NFU1: variants seen among roughly 807,000 people sequenced by gnomAD.
The protein encoded by NFU1 is NFU1 iron-sulfur cluster scaffold.
Under a neutral mutation model 32.2 loss-of-function variants are expected in NFU1, and 30 were observed. The ratio of observed to expected loss-of-function variants is 0.93; its 90% CI spans 0.70 to 1.26. The LOEUF is 1.26. NFU1 is among the 50% of genes most tolerant of loss of function. NFU1 has a pLI of 0.00. For synonymous variants in NFU1, 112 were observed against 104.6 expected (o/e 1.07, Z -0.43); for missense variants, 306 against 306.6 (o/e 1.00, Z 0.02).
chr2:69,402,550 T>C (rs1672556721), intron 6 of NFU1, among the ~76,000 whole-genome samples: 1 of 152,290 alleles, frequency 6.6e-6, no homozygotes, highest in Non-Finnish European at 1.5e-5. Context: ...AATTTATATG[T>C]ATTTTCCTTG....
intron 1 of NFU1, among the ~76,000 whole-genome samples, chr2:69,434,183 C>T (rs1034099820): frequency 6.7e-6 from 1 of 149,214 alleles, no homozygotes; most frequent in African/African-American, 2.5e-5. Context: ...CTTGCTCTGT[C>T]GCCCAGGATG....
In NFU1 at chr2:69,397,564, CAT is replaced by C. The variant is rs1672379907; in HGVS notation, c.721-1276_721-1275del. ...GTCAATCCACCAAAGTATCAACTAACATAATTTTTTAAGGCATATAGATGATA... is the reference window on the plus strand; with the variant it reads ...GTCAATCCACCAAAGTATCAACTAACAATTTTTTAAGGCATATAGATGATA... On this transcript the variant is annotated intron_variant, in intron 7 of 7. Transcript: ENST00000410022. 2.0e-5 allele frequency among the ~76,000 whole-genome samples: 3 copies of C among 151,834 alleles called. No homozygotes were observed. The East Asian group carries it at 5.8e-4, about 29-fold the overall frequency.
At chr2:69,406,615 G>A (rs938924789) in intron 5 of NFU1, among the ~76,000 whole-genome samples, 5 of 152,108 alleles carry the variant, frequency 3.3e-5, no homozygotes, top group African/African-American at 9.7e-5. Context: ...CTGTTGCCCA[G>A]TGCGGAGTGC....
chr2:69,396,332 GA>G, intron 7 of NFU1, 42 bp from the exon 8 acceptor site: 1 of 1,478,058 alleles, frequency 6.8e-7, no homozygotes, highest in Non-Finnish European at 9.4e-7. Flanking sequence ...TTAAGAAAAT[GA>G]TTAGATTTTG....
intron 5 of NFU1, among the ~76,000 whole-genome samples, chr2:69,413,920 G>A (rs759003128): frequency 3.3e-5 from 5 of 151,682 alleles, no homozygotes; most frequent in African/African-American, 9.7e-5. Context: ...GGTGGTGGGC[G>A]CCTGTAATAC....
Position 69,400,380 on chromosome 2 carries a change from A to G in NFU1, c.704T>C (p.Val235Ala), listed in dbSNP as rs1451466648. The G allele has an allele frequency of 4.3e-6, 7 of 1,613,898 alleles. No homozygotes were observed. The highest frequency in any genetic ancestry group is 1.3e-5 in the African/African-American group (1 of 74,902). The change falls in exon 7 of 8, where the codon GTA becomes GCA. Residue 235 changes from valine (V) to alanine (A), a missense_variant. Physicochemically the swap from Val to Ala is moderately conservative, Grantham distance 64. Transcript: ENST00000410022. ...TTGGCATACCTGTTCTACGCCTTCT[A>G]CCTCCGGAATATAAAACTGCAGCAT... is the stretch of plus-strand genomic sequence containing the variant. Reference protein sequence around the residue: ...QNMLQFYIPEVEGVEQVMDDE... With the variant: ...QNMLQFYIPEAEGVEQVMDDE...
chr2:69,407,716 A>G (rs903717523), intron 5 of NFU1, among the ~76,000 whole-genome samples: 22 of 150,598 alleles, frequency 1.5e-4, no homozygotes, highest in Non-Finnish European at 2.8e-4. Flanking sequence ...AAAAAGGAAA[A>G]GAAAACACAC....
chr2:69,439,418 G>A (rs1397624656), upstream of NFU1, among the ~76,000 whole-genome samples: 3 of 152,214 alleles, frequency 2.0e-5, no homozygotes, highest in African/African-American at 2.4e-5. Context: ...TGGTCTCACT[G>A]ACTTCAGGAG....
chr2:69,423,261 T>TGG (rs1313616121), intron 3 of NFU1, among the ~76,000 whole-genome samples: 1 of 120,936 alleles, frequency 8.3e-6, no homozygotes, highest in East Asian at 2.2e-4. Flanking sequence ...TGTGTGTGTG[T>TGG]GTGTGTGTGT....
chr2:69,427,496 A>G (rs889011376), intron 2 of NFU1, among the ~76,000 whole-genome samples: 1 of 151,884 alleles, frequency 6.6e-6, no homozygotes, highest in Non-Finnish European at 1.5e-5. Flanking sequence ...CCTAGCCAAC[A>G]TGGTGAAAAC....
chr2:69,412,417 C>T (rs548369732), intron 5 of NFU1, among the ~76,000 whole-genome samples: 4 of 150,610 alleles, frequency 2.7e-5, no homozygotes, highest in South Asian at 4.2e-4. Flanking sequence ...GATGGAGTCT[C>T]GCCCTGTCTC....
In NFU1 at chr2:69,406,085, A is replaced by T. The variant is rs1168164182; in HGVS notation, c.485-3T>A. On this transcript the variant is annotated splice_region_variant and splice_polypyrimidine_tract_variant and intron_variant, in intron 5 of 7. Transcript: ENST00000410022. Reference sequence around the variant, plus strand: ...AACTTCATCATCTTCTTCAGATCCTAGAAATAATTACATATAAAAACATCA... The same window carrying T: ...AACTTCATCATCTTCTTCAGATCCTTGAAATAATTACATATAAAAACATCA... 1.3e-6 allele frequency: 2 copies of T among 1,562,122 alleles called. No individual in the cohort carries two copies. The highest frequency in any genetic ancestry group is 2.7e-5 in the African/African-American group (2 of 74,020).
At chr2:69,413,298 G>GA (rs1218434576) in intron 5 of NFU1, among the ~76,000 whole-genome samples, 7 of 77,172 alleles carry the variant, frequency 9.1e-5, no homozygotes, top group African/African-American at 1.6e-4. Flanking sequence ...AAAAAAAAAA[G>GA]AAAAAAAAAC....
intron 7 of NFU1, among the ~76,000 whole-genome samples, chr2:69,398,962 AG>A (rs1277154955): frequency 6.6e-6 from 1 of 152,172 alleles, no homozygotes; most frequent in Non-Finnish European, 1.5e-5. Flanking sequence ...CTGTAATCCT[AG>A]CACTCTGGGA....
chr2:69,409,656 G>C (rs2104758124), intron 5 of NFU1, among the ~76,000 whole-genome samples: 1 of 152,262 alleles, frequency 6.6e-6, no homozygotes, highest in South Asian at 2.1e-4. Context: ...GAAGAAGAAG[G>C]GGAGCTGGCC....
rs1553401331 is a variant in NFU1 at position 69,424,201 on chromosome 2, A to ATATATATG, written c.167-485_167-484insCATATATA. Among the ~76,000 whole-genome samples, 14 of 82,174 alleles carry ATATATATG rather than the reference A, an allele frequency of 1.7e-4. No individual in the cohort carries two copies. In the East Asian group the frequency reaches 2.8e-3, roughly 16 times the overall value. The allele number at this position is 82,174 out of a possible 152,430, so 53.9% of individuals were successfully genotyped here. A position where few individuals can be genotyped will look rare whatever the true frequency, so the allele number is the denominator to read the frequency against. Reference sequence around the variant, plus strand: ...AAAAAAAAAAAAAAAAAAAAAAAATATATATATATATATATATATCTCAAT... The same window carrying ATATATATG: ...AAAAAAAAAAAAAAAAAAAAAAAATATATATATGTATATATATATATATATATCTCAAT... On this transcript the variant is annotated intron_variant, in intron 2 of 7. Transcript: ENST00000410022.
intron 4 of NFU1, among the ~76,000 whole-genome samples, chr2:69,415,926 A>C (rs1294189573): frequency 6.6e-6 from 1 of 152,202 alleles, no homozygotes; most frequent in Non-Finnish European, 1.5e-5. Flanking sequence ...CAGGAGTTTA[A>C]GACTAGCCTG....
chr2:69,419,967 T>G (rs1308441798), intron 3 of NFU1, among the ~76,000 whole-genome samples: 1 of 152,066 alleles, frequency 6.6e-6, no homozygotes, highest in Non-Finnish European at 1.5e-5. Flanking sequence ...TGACACCTAC[T>G]AAGTGCCAGG....
intron 2 of NFU1, among the ~76,000 whole-genome samples, chr2:69,424,407 G>A (rs1355154572): frequency 6.6e-6 from 1 of 151,314 alleles, no homozygotes; most frequent in Non-Finnish European, 1.5e-5. Flanking sequence ...TCCTATTTAA[G>A]CCTCAAAAGT....
Sources: allele counts gnomAD v4.1 joint callset (sites outside exome capture counted in the v4.1 genomes callset), GRCh38; gene constraint gnomAD v4.1.1; transcripts MANE v1.5; gene names NCBI Gene and HGNC (gene_info 2026-07-23, HGNC 2026-07-21).